Variants in PRH1 observed in about 807,000 individuals in gnomAD.
PRH1 encodes the protein proline rich protein HaeIII subfamily 1, also known as salivary acidic proline-rich phosphoprotein 1/2.
A neutral mutation model predicts 7.9 loss-of-function variants in PRH1; 7 were observed. The observed-to-expected ratio is 0.89, with a 90% CI of 0.50 to 1.67. The LOEUF (loss-of-function observed/expected upper bound fraction) is 1.67. PRH1 is among the 40% of genes most tolerant of loss of function. The pLI is 0.00. For synonymous variants in PRH1, 45 were observed against 80.8 expected (o/e 0.56, Z 2.38); for missense variants, 109 against 223.6 (o/e 0.49, Z 3.27).
At chr12:10,893,678 G>C (rs899221691) in intron 2 of PRH1, among the ~76,000 whole-genome samples, 1 of 152,042 alleles carries the variant, frequency 6.6e-6, no homozygotes, top group African/African-American at 2.4e-5. Flanking sequence ...GCAATGTCCA[G>C]GTTATTTTTC....
intron 2 of PRH1, among the ~76,000 whole-genome samples, chr12:10,968,025 G>A (rs1266438084): frequency 3.9e-5 from 6 of 152,318 alleles, no homozygotes; most frequent in Middle Eastern, 3.4e-3. Context: ...AGGTTGCAAT[G>A]AGCTGAGATG....
intron 1 of PRH1, among the ~76,000 whole-genome samples, chr12:11,038,617 G>C (rs2597980): frequency 1.2e-3 from 187 of 151,634 alleles, no homozygotes; most frequent in Non-Finnish European, 2.0e-3. Context: ...TGTCAGTCTT[G>C]TTTGTTAATT....
Position 11,134,247 on chromosome 12 carries a change from C to G in PRH1, n.40-13067G>C, listed in dbSNP as rs766737228. ...ATGATGGGCAGAAAAGTTATCATGT[C>G]TGAACAGACAAAAAGAAATTTTTAA... On this transcript the variant is annotated intron_variant and non_coding_transcript_variant, in intron 1 of 1. Transcript: ENST00000541175. 4.4e-6 allele frequency: 7 copies of G among 1,604,588 alleles called. No individual in the cohort carries two copies. The African/African-American group carries it at 9.4e-5, about 22-fold the overall frequency.
At chr12:10,955,068 C>T (rs1937886357) in intron 2 of PRH1, among the ~76,000 whole-genome samples, 2 of 152,134 alleles carry the variant, frequency 1.3e-5, no homozygotes, top group Non-Finnish European at 2.9e-5. Flanking sequence ...GAAATAGACA[C>T]TTAACCAAAT....
At chr12:11,062,288 T>C (rs749654820) in intron 1 of PRH1, 1 of 1,610,734 alleles carries the variant, frequency 6.2e-7, no homozygotes, top group Admixed American at 1.7e-5. Flanking sequence ...GGCAGAAAAG[T>C]TATCATGTCT....
chr12:11,161,825 G>A (rs1947425431), intron 1 of PRH1, among the ~76,000 whole-genome samples: 2 of 152,052 alleles, frequency 1.3e-5, no homozygotes, highest in Admixed American at 6.6e-5. Context: ...AAGAGGCCTG[G>A]GATAAGTAAG....
intron 1 of PRH1, among the ~76,000 whole-genome samples, chr12:11,167,265 C>A (rs1947608320): frequency 6.6e-6 from 1 of 152,140 alleles, no homozygotes; most frequent in South Asian, 2.1e-4. Flanking sequence ...CAATTACAGA[C>A]CACTCCTGTG....
chr12:11,031,809 A>T (rs1192446697), intron 1 of PRH1, among the ~76,000 whole-genome samples: 4 of 152,166 alleles, frequency 2.6e-5, no homozygotes, highest in South Asian at 2.1e-4. Flanking sequence ...CTTGCTAGCT[A>T]CAGAAACGTT....
At chr12:11,071,722 T>A (rs1421058015) in intron 1 of PRH1, among the ~76,000 whole-genome samples, 2 of 14,852 alleles carry the variant, frequency 1.3e-4, no homozygotes, top group Non-Finnish European at 1.2e-3. Context: ...TTAGAGTCTG[T>A]TAAGTGGCCC....
chr12:11,144,425 C>G (rs1946804316), intron 1 of PRH1, among the ~76,000 whole-genome samples: 1 of 152,144 alleles, frequency 6.6e-6, no homozygotes, highest in Non-Finnish European at 1.5e-5. Context: ...AAGGGCTGGT[C>G]TCACTCCCAC....
chr12:10,956,665 A>G (rs1290579330), intron 2 of PRH1, among the ~76,000 whole-genome samples: 1 of 152,186 alleles, frequency 6.6e-6, no homozygotes, highest in African/African-American at 2.4e-5. Context: ...ATACCTAGAA[A>G]TCCCCACAGT....
At chr12:11,058,983 C>T (rs1943478259) in intron 1 of PRH1, among the ~76,000 whole-genome samples, 1 of 152,180 alleles carries the variant, frequency 6.6e-6, no homozygotes, top group Admixed American at 6.5e-5. Flanking sequence ...ATCATCCTTC[C>T]ATTTGGGACT....
At chr12:11,006,244 G>T (rs1196175939) in intron 1 of PRH1, 2 of 132,278 alleles carry the variant, frequency 1.5e-5, no homozygotes, top group Non-Finnish European at 3.3e-5. Context: ...TATAGCATTT[G>T]TATAACTGCT....
chr12:10,965,075 T>A, intron 2 of PRH1: 1 of 1,174,146 alleles, frequency 8.5e-7, no homozygotes, highest in Non-Finnish European at 1.2e-6. Flanking sequence ...GATGCTGAAA[T>A]GGTTGGTTAC....
chr12:11,118,741 T>C (rs1272520150), downstream of PRH1, among the ~76,000 whole-genome samples: 1 of 152,082 alleles, frequency 6.6e-6, no homozygotes, highest in African/African-American at 2.4e-5. Context: ...ACACCGGTAA[T>C]CCCAGCACTT....
At chr12:10,911,968 T>C (rs1418648464) in intron 2 of PRH1, among the ~76,000 whole-genome samples, 2 of 152,184 alleles carry the variant, frequency 1.3e-5, no homozygotes, top group Non-Finnish European at 2.9e-5. Context: ...TATTTTAATT[T>C]GAATATGTAT....
chr12:11,134,066 C>A lies in PRH1; in HGVS notation n.40-12886G>T, dbSNP rs377126732. 44 of 1,613,998 alleles carry A rather than the reference C, an allele frequency of 2.7e-5. No individual in the cohort carries two copies. In the African/African-American group the frequency reaches 5.5e-4, roughly 20 times the overall value. On this transcript the variant is annotated intron_variant and non_coding_transcript_variant, in intron 1 of 1. Transcript: ENST00000541175. ...TGCATACCAATGTAGTAATAACACC[C>A]AGAGCAAACCAACTCTGGAGACCGC...
chr12:11,154,187 T>A (rs1947186555), intron 1 of PRH1, among the ~76,000 whole-genome samples: 1 of 152,184 alleles, frequency 6.6e-6, no homozygotes, highest in Non-Finnish European at 1.5e-5. Context: ...TGCCAAAATG[T>A]TTTTTATCAA....
At chr12:11,151,772 T>C (rs1444175059) in intron 1 of PRH1, among the ~76,000 whole-genome samples, 1 of 152,188 alleles carries the variant, frequency 6.6e-6, no homozygotes, top group African/African-American at 2.4e-5. Flanking sequence ...TTGGTTAAAT[T>C]TTCTATTATA....
Sources: gnomAD v4.1 joint callset for allele counts (sites outside exome capture counted in the v4.1 genomes callset) on GRCh38, gnomAD v4.1.1 for gene constraint, MANE v1.5 for transcripts, NCBI Gene and HGNC (gene_info 2026-07-23, HGNC 2026-07-21) for gene names.